Variants in FYB2 observed in about 807,000 individuals in gnomAD.
The protein encoded by FYB2 is FYN-binding protein 2.
A neutral mutation model predicts 94.1 loss-of-function variants in FYB2; 103 were observed. The observed-to-expected ratio is 1.09, with a 90% CI of 0.93 to 1.29. The LOEUF (loss-of-function observed/expected upper bound fraction) is 1.29. Among genes scored for constraint, FYB2 ranks in the 50% most tolerant of loss-of-function variants. The probability of loss-of-function intolerance (pLI) is 0.00; values close to 1 mark genes in which losing one functional copy is unlikely to be tolerated. For synonymous variants in FYB2, 293 were observed against 287.9 expected, an observed-to-expected ratio of 1.02 and a Z score of -0.18; for missense variants, 896 against 841.5, an observed-to-expected ratio of 1.06 and a Z score of -0.80.
chr1:56,823,129 G>A (rs1444213381), upstream of FYB2, among the ~76,000 whole-genome samples: 1 of 152,116 alleles, frequency 6.6e-6, no homozygotes, highest in Non-Finnish European at 1.5e-5. Flanking sequence ...GATAAGAGAT[G>A]CTATCTCTGG....
chr1:56,767,592 A>T (rs1645653959), intron 5 of FYB2, among the ~76,000 whole-genome samples: 1 of 152,170 alleles, frequency 6.6e-6, no homozygotes, highest in African/African-American at 2.4e-5. Context: ...GGTAAAGGGG[A>T]GAAAAGAAGA....
chr1:56,804,196 G>A (rs1015518494), intron 1 of FYB2, among the ~76,000 whole-genome samples: 1 of 152,166 alleles, frequency 6.6e-6, no homozygotes, highest in Non-Finnish European at 1.5e-5. Context: ...TGCTTCATCT[G>A]CCCTATATTC....
At chr1:56,818,564 G>C (rs563413178) in intron 1 of FYB2, among the ~76,000 whole-genome samples, 3 of 152,044 alleles carry the variant, frequency 2.0e-5, no homozygotes, top group Non-Finnish European at 2.9e-5. Context: ...TGGAGAATTG[G>C]AGAAGGAAAA....
chr1:56,725,859 A>G (rs1259140053), intron 16 of FYB2, among the ~76,000 whole-genome samples: 1 of 152,006 alleles, frequency 6.6e-6, no homozygotes, highest in Admixed American at 6.6e-5. Context: ...TTAAGCAAAT[A>G]TTTCCCCAAG....
chr1:56,812,385 G>A (rs1459029222), intron 1 of FYB2, among the ~76,000 whole-genome samples: 1 of 152,134 alleles, frequency 6.6e-6, no homozygotes, highest in Non-Finnish European at 1.5e-5. Context: ...GGACTCTGGA[G>A]TTAGACACAG....
chr1:56,742,340 A>C (rs970626680), intron 11 of FYB2, 119 bp from the exon 12 acceptor site: 1 of 690,596 alleles, frequency 1.4e-6, no homozygotes. Flanking sequence ...TCTTTTGTTA[A>C]ATAGTTTTTA....
intron 5 of FYB2, among the ~76,000 whole-genome samples, chr1:56,765,056 G>A (rs1570060432): frequency 6.6e-6 from 1 of 152,170 alleles, no homozygotes; most frequent in Non-Finnish European, 1.5e-5. Context: ...GAGGTAACAA[G>A]CAATCAGTTC....
chr1:56,805,148 C>G lies in FYB2; in HGVS notation c.10-12345G>C, dbSNP rs193142066. ...CCTTCTGCTTCCCTCTGTCTTTCCA[C>G]TTATCTAATTTTGTTGATTAAAGTG... is the stretch of plus-strand genomic sequence containing the variant. On this transcript the variant is annotated intron_variant, in intron 1 of 19. Transcript: ENST00000343433. Among the ~76,000 whole-genome samples, 26 of 152,286 alleles carry G rather than the reference C, an allele frequency of 1.7e-4. No homozygotes were observed. The East Asian group carries it at 4.1e-3, about 24-fold the overall frequency.
chr1:56,764,886 CAT>C (rs1293865777), intron 5 of FYB2, among the ~76,000 whole-genome samples: 1 of 152,194 alleles, frequency 6.6e-6, no homozygotes, highest in Non-Finnish European at 1.5e-5. Flanking sequence ...ACTGTGCCCT[CAT>C]ATGGAGAAGA....
chr1:56,800,000 A>G (rs1646483848), intron 1 of FYB2, among the ~76,000 whole-genome samples: 1 of 152,192 alleles, frequency 6.6e-6, no homozygotes, highest in Non-Finnish European at 1.5e-5. Context: ...ATAAAGGTTA[A>G]CTCATTTCTG....
At chr1:56,784,449 G>A (rs1356309613) in intron 4 of FYB2, among the ~76,000 whole-genome samples, 1 of 152,056 alleles carries the variant, frequency 6.6e-6, no homozygotes, top group African/African-American at 2.4e-5. Flanking sequence ...CCTTGATCAT[G>A]GATGATATTC....
chr1:56,759,954 C>T (rs544117908), intron 5 of FYB2, among the ~76,000 whole-genome samples: 3 of 151,732 alleles, frequency 2.0e-5, no homozygotes, highest in African/African-American at 7.3e-5. Flanking sequence ...AGTGGCAGGC[C>T]TATAATCCCA....
intron 15 of FYB2, among the ~76,000 whole-genome samples, chr1:56,730,637 A>C (rs1019951120): frequency 7.2e-5 from 11 of 152,226 alleles, no homozygotes; most frequent in African/African-American, 2.6e-4. Flanking sequence ...AGATTGAATC[A>C]GTAATAAAGA....
At chr1:56,737,351 TA>T (rs1333783966) in intron 14 of FYB2, 60 of 425,614 alleles carry the variant, frequency 1.4e-4, no homozygotes, top group Middle Eastern at 6.0e-4. Flanking sequence ...ACTGAAAGAT[TA>T]AAAAAAAGTG....
At chr1:56,723,137 G>A (rs1025144895) in intron 17 of FYB2, among the ~76,000 whole-genome samples, 1 of 151,866 alleles carries the variant, frequency 6.6e-6, no homozygotes, top group Non-Finnish European at 1.5e-5. Flanking sequence ...AGGCCCTGGG[G>A]AACAAACTTG....
At chr1:56,777,239 CAA>C (rs1453236717) in intron 4 of FYB2, among the ~76,000 whole-genome samples, 8 of 4,792 alleles carry the variant, frequency 1.7e-3, no homozygotes, top group African/African-American at 5.4e-3. Context: ...GTCTCAAAAA[CAA>C]AAAAAAAAAA....
intron 6 of FYB2, 119 bp downstream of exon 6, chr1:56,758,597 A>T: frequency 1.3e-6 from 1 of 790,738 alleles, no homozygotes; most frequent in Non-Finnish European, 1.9e-6. Flanking sequence ...GAAAATCCTC[A>T]GAAATAGGAG....
the FYB2 span, among the ~76,000 whole-genome samples, chr1:56,825,885 A>G: frequency 2.0e-5 from 3 of 152,140 alleles, no homozygotes; most frequent in African/African-American, 4.8e-5. Context: ...AATTTAATCA[A>G]TGATCTGACC....
At chr1:56,787,235 A>T (rs751452348) in intron 3 of FYB2, 27 bp from the exon 4 acceptor site, 1 of 1,613,722 alleles carries the variant, frequency 6.2e-7, no homozygotes, top group South Asian at 1.1e-5. Context: ...CGGAATGAAA[A>T]AGAGGCATTT....
Sources: gnomAD v4.1 joint callset for allele counts (sites outside exome capture counted in the v4.1 genomes callset) on GRCh38, gnomAD v4.1.1 for gene constraint, MANE v1.5 for transcripts, NCBI Gene and HGNC (gene_info 2026-07-23, HGNC 2026-07-21) for gene names.